The following CEP41 variants were observed in gnomAD, a reference collection of about 807,000 sequenced individuals.
CEP41 encodes the protein centrosomal protein of 41 kDa.
Under a neutral mutation model 44.3 loss-of-function variants are expected in CEP41, and 32 were observed. That is an observed-to-expected ratio of 0.72 (90% CI 0.54 to 0.97). The LOEUF (loss-of-function observed/expected upper bound fraction) is 0.97. Among genes scored for constraint, CEP41 ranks in the 50% least tolerant of loss-of-function variants. CEP41 has a pLI of 0.00. For missense variants in CEP41, 432 were observed against 455.2 expected (o/e 0.95, Z 0.46); for synonymous variants, 151 against 168.5 (o/e 0.90, Z 0.80).
At chr7:130,438,872 G>A (rs1162346799) in intron 1 of CEP41, among the ~76,000 whole-genome samples, 1 of 151,954 alleles carries the variant, frequency 6.6e-6, no homozygotes, top group Admixed American at 6.6e-5. Flanking sequence ...TGATGTTTTG[G>A]TATATACACA....
chr7:130,397,625 G>T lies in CEP41; in HGVS notation c.*1266C>A. The T allele has an allele frequency of 2.2e-6, 1 of 452,312 alleles. No homozygotes were observed. Among genetic ancestry groups the T allele is most frequent in the Non-Finnish European group, 4.4e-6 (1 of 226,552 alleles). 28.0% of individuals were successfully genotyped at this position (452,312 alleles called of 1,614,324 possible). ...TTTTCAGTGGGCTTTTCAGAAGCTG[G>T]TTGCCATGACAAAGAGCACAATTTA... On this transcript the variant is annotated 3_prime_UTR_variant, in exon 11 of 11. Transcript: ENST00000223208.
At chr7:130,400,576 CCTTT>C in intron 9 of CEP41, 127 bp downstream of exon 9, 1 of 728,772 alleles carries the variant, frequency 1.4e-6, no homozygotes, top group Middle Eastern at 3.7e-4. Flanking sequence ...ACTCCTGACT[CCTTT>C]CAGCCAGCAT....
At chr7:130,424,087 C>T (rs1354762040) in intron 2 of CEP41, among the ~76,000 whole-genome samples, 1 of 151,986 alleles carries the variant, frequency 6.6e-6, no homozygotes, top group Non-Finnish European at 1.5e-5. Context: ...ATTAAAATAG[C>T]TAAAATAACT....
chr7:130,398,343 G>C lies in CEP41; in HGVS notation c.*548C>G. 1 of 454,078 alleles carries C rather than the reference G, an allele frequency of 2.2e-6. No individual in the cohort carries two copies. Among genetic ancestry groups the C allele is most frequent in the Non-Finnish European group, 4.4e-6 (1 of 226,778 alleles). The allele number at this position is 454,078 out of a possible 1,614,324, so 28.1% of individuals were successfully genotyped here. ...CAAAACAGGGCCTGCAATATGCTGG[G>C]CAGAGAGCTCCTTGCTGAGTGAGCC... On this transcript the variant is annotated 3_prime_UTR_variant, in exon 11 of 11. Transcript: ENST00000223208.
At chr7:130,432,479 C>T (rs1797849644) in intron 1 of CEP41, among the ~76,000 whole-genome samples, 1 of 149,178 alleles carries the variant, frequency 6.7e-6, no homozygotes, top group African/African-American at 2.5e-5. Context: ...CGGCTGGGCA[C>T]AGTGGCTCAC....
intron 1 of CEP41, among the ~76,000 whole-genome samples, chr7:130,439,527 C>T (rs1554427001): frequency 6.6e-6 from 1 of 152,134 alleles, no homozygotes; most frequent in East Asian, 1.9e-4. Flanking sequence ...CATTTCTGCC[C>T]TCCTTCCCCC....
chr7:130,429,319 A>G (rs1797759112), intron 1 of CEP41, among the ~76,000 whole-genome samples: 1 of 152,076 alleles, frequency 6.6e-6, no homozygotes, highest in Admixed American at 6.5e-5. Context: ...GTTTAGGGTC[A>G]GCAAAAATGC....
intron 5 of CEP41, among the ~76,000 whole-genome samples, chr7:130,405,058 T>C (rs1554417940): frequency 6.6e-6 from 1 of 152,210 alleles, no homozygotes; most frequent in Non-Finnish European, 1.5e-5. Context: ...TTATTCACCA[T>C]CACGCATGCA....
chr7:130,426,815 C>T (rs1386448628), intron 2 of CEP41: 2 of 351,688 alleles, frequency 5.7e-6, no homozygotes, highest in Non-Finnish European at 1.1e-5. Context: ...CTTCCTCATC[C>T]TGTATATAAT....
chr7:130,405,618 G>A (rs953024371), intron 5 of CEP41, among the ~76,000 whole-genome samples: 40 of 152,140 alleles, frequency 2.6e-4, no homozygotes, highest in African/African-American at 9.4e-4. Context: ...ATTAACCTTT[G>A]GGAAGATCTT....
rs782380838 is a variant in CEP41 at position 130,398,909 on chromosome 7, T to C, written c.1104A>G (p.Gln368=). 10 of 1,614,256 alleles carry C rather than the reference T, an allele frequency of 6.2e-6. No individual in the cohort carries two copies. Among genetic ancestry groups the C allele is most frequent in the Non-Finnish European group, 6.8e-6 (8 of 1,180,032 alleles). The change falls in exon 11 of 11, where the codon CAA becomes CAG. Residue 368 remains glutamine, a synonymous_variant. Transcript: ENST00000223208. ...NPRSLSSGHL[Q]GKPWK ...AAAGTCTTTACTTCCAGGGTTTGCC[T>C]TGCAGGTGACCACTGCTGAGGGAGC...
chr7:130,436,207 T>C (rs1295414066), intron 1 of CEP41, among the ~76,000 whole-genome samples: 4 of 151,674 alleles, frequency 2.6e-5, no homozygotes, highest in Non-Finnish European at 4.4e-5. Flanking sequence ...TACCACAGAA[T>C]ACTGATCAGG....
chr7:130,435,584 A>G (rs1797939072), intron 1 of CEP41, among the ~76,000 whole-genome samples: 1 of 152,222 alleles, frequency 6.6e-6, no homozygotes, highest in African/African-American at 2.4e-5. Context: ...AAATATTGAC[A>G]GTGTTGAACG....
At position 130,394,461 on chromosome 7, in the gene CEP41, AAG is replaced by A; in HGVS notation, c.*4428_*4429del. On this transcript the variant is annotated 3_prime_UTR_variant, in exon 11 of 11. Transcript: ENST00000223208. ...TGGAAATCTTCAAGATTTGAAACAAAAGAGAAAACCTACTCTTAAGATGGGGG... is the reference window on the plus strand; with the variant it reads ...TGGAAATCTTCAAGATTTGAAACAAAAGAAAACCTACTCTTAAGATGGGGG... 1 of 454,140 alleles carries A rather than the reference AAG, an allele frequency of 2.2e-6. No individual in the cohort carries two copies. The highest frequency in any genetic ancestry group is 1.6e-5 in the South Asian group (1 of 64,480). 28.1% of individuals were successfully genotyped at this position (454,140 alleles called of 1,614,324 possible). A position where few individuals can be genotyped will look rare whatever the true frequency, so the allele number is the denominator to read the frequency against.
chr7:130,437,826 A>G (rs986721747), intron 1 of CEP41, among the ~76,000 whole-genome samples: 1 of 151,722 alleles, frequency 6.6e-6, no homozygotes, highest in Non-Finnish European at 1.5e-5. Flanking sequence ...TTTTCAACCA[A>G]TAATTCTATA....
chr7:130,404,741 G>A, intron 5 of CEP41, 33 bp from the exon 6 acceptor site: 1 of 1,524,574 alleles, frequency 6.6e-7, no homozygotes, highest in Non-Finnish European at 9.1e-7. Context: ...TAATTAGATT[G>A]AACCTCAGGA....
chr7:130,397,475 C>G lies in CEP41; in HGVS notation c.*1416G>C, dbSNP rs1046622785. The G allele has an allele frequency of 1.2e-5, 5 of 426,916 alleles. No individual in the cohort carries two copies. Among genetic ancestry groups the G allele is most frequent in the Non-Finnish European group, 2.3e-5 (5 of 219,586 alleles). The allele number at this position is 426,916 out of a possible 1,614,324, so 26.4% of individuals were successfully genotyped here. ...TTATTACGTTTATTTCTCATACAAA[C>G]ACAGCCCCCATGCTAGAAATACTGT... On this transcript the variant is annotated 3_prime_UTR_variant, in exon 11 of 11. Coordinates refer to ENST00000223208, the MANE Select transcript of CEP41 (RefSeq NM_018718.3).
chr7:130,402,346 AAAAAAAAC>A (rs1796874356), intron 7 of CEP41, among the ~76,000 whole-genome samples: 1 of 149,034 alleles, frequency 6.7e-6, no homozygotes. Flanking sequence ...GTATTAACAA[AAAAAAAAC>A]AAAAAAAAAA....
intron 10 of CEP41, 152 bp from the exon 11 acceptor site, chr7:130,399,191 TAC>T: frequency 1.4e-5 from 12 of 868,874 alleles, no homozygotes; most frequent in Non-Finnish European, 2.0e-5. Flanking sequence ...AACGATGGCC[TAC>T]TCCTCATCCT....
Sources: gnomAD v4.1 joint callset for allele counts (sites outside exome capture counted in the v4.1 genomes callset) on GRCh38, gnomAD v4.1.1 for gene constraint, MANE v1.5 for transcripts, NCBI Gene and HGNC (gene_info 2026-07-23, HGNC 2026-07-21) for gene names.